The following XYLT1 variants were observed in gnomAD, a reference collection of about 807,000 sequenced individuals.
XYLT1 encodes beta-D-xylosyltransferase 1.
XYLT1 carries 36 observed loss-of-function variants against 91.3 expected under a neutral mutation model. That is an observed-to-expected ratio of 0.39 (90% CI 0.30 to 0.52). The LOEUF (loss-of-function observed/expected upper bound fraction) is 0.52, where lower values mean the gene tolerates loss of function less well. XYLT1 is among the 20% of genes least tolerant of loss of function. The pLI is 0.68. For missense variants in XYLT1, 1,242 were observed against 1,284.5 expected, an observed-to-expected ratio of 0.97 and a Z score of 0.51; for synonymous variants, 588 against 532.0, an observed-to-expected ratio of 1.11 and a Z score of -1.45.
At chr16:17,385,982 T>C (rs2035743745) in intron 1 of XYLT1, among the ~76,000 whole-genome samples, 1 of 152,200 alleles carries the variant, frequency 6.6e-6, no homozygotes, top group African/African-American at 2.4e-5. Flanking sequence ...ACTTAAAACA[T>C]GTAAAGTTAA....
At chr16:17,396,288 C>T (rs1304469888) in intron 1 of XYLT1, among the ~76,000 whole-genome samples, 1 of 152,148 alleles carries the variant, frequency 6.6e-6, no homozygotes, top group Non-Finnish European at 1.5e-5. Context: ...GAAATACCTG[C>T]TGGGTGAGCC....
chr16:17,144,511 A>G (rs142835995), intron 6 of XYLT1, among the ~76,000 whole-genome samples: 62 of 152,302 alleles, frequency 4.1e-4, no homozygotes, highest in Non-Finnish European at 7.9e-4. Flanking sequence ...GGATGGCGTC[A>G]TGGATGAGGC....
intron 1 of XYLT1, among the ~76,000 whole-genome samples, chr16:17,447,187 T>C (rs1442288174): frequency 6.6e-6 from 1 of 152,110 alleles, no homozygotes; most frequent in African/African-American, 2.4e-5. Flanking sequence ...GGCCTGCTAT[T>C]TATTTCCTCT....
chr16:17,285,308 C>T (rs1293767819), intron 2 of XYLT1, among the ~76,000 whole-genome samples: 1 of 152,210 alleles, frequency 6.6e-6, no homozygotes, highest in Non-Finnish European at 1.5e-5. Flanking sequence ...AATCAGAATT[C>T]AAATGAGTCT....
intron 1 of XYLT1, among the ~76,000 whole-genome samples, chr16:17,437,421 G>T (rs1458047311): frequency 6.6e-6 from 1 of 152,186 alleles, no homozygotes; most frequent in Non-Finnish European, 1.5e-5. Flanking sequence ...CAGAAGCCAA[G>T]AAGGCATTTG....
intron 2 of XYLT1, among the ~76,000 whole-genome samples, chr16:17,267,158 T>C (rs563893825): frequency 2.0e-5 from 3 of 152,338 alleles, no homozygotes; most frequent in Admixed American, 6.5e-5. Flanking sequence ...ATCCAGTCTC[T>C]GCTCCTTAAC....
Position 17,141,135 on chromosome 16 carries a change from A to C in XYLT1, c.1587+18T>G. On this transcript the variant is annotated intron_variant, in intron 7 of 11. Transcript: ENST00000261381. ...ACAAGCCCCTATCTTTCTTGGGAAA[A>C]TTTTCCCAGATACTCACCTCAGCAG... is the stretch of plus-strand genomic sequence containing the variant. 2 of 1,608,850 alleles carry C rather than the reference A, an allele frequency of 1.2e-6. No homozygotes were observed. The highest frequency in any genetic ancestry group is 1.7e-6 in the Non-Finnish European group (2 of 1,176,160).
At chr16:17,181,378 A>G (rs981133183) in intron 5 of XYLT1, among the ~76,000 whole-genome samples, 1 of 152,212 alleles carries the variant, frequency 6.6e-6, no homozygotes, top group African/African-American at 2.4e-5. Flanking sequence ...AGAAGGAGAG[A>G]ATAAGGAAAG....
chr16:17,194,719 G>A (rs1239985887), intron 5 of XYLT1, among the ~76,000 whole-genome samples: 1 of 152,226 alleles, frequency 6.6e-6, no homozygotes, highest in Non-Finnish European at 1.5e-5. Flanking sequence ...CTAAAAGCCA[G>A]AAGGAATACC....
intron 1 of XYLT1, among the ~76,000 whole-genome samples, chr16:17,382,412 A>C (rs1387734134): frequency 6.6e-6 from 1 of 151,912 alleles, no homozygotes; most frequent in African/African-American, 2.4e-5. Context: ...GCTGCCCACC[A>C]CTTGAAATGT....
At chr16:17,345,865 C>T (rs1264219993) in intron 2 of XYLT1, among the ~76,000 whole-genome samples, 1 of 152,194 alleles carries the variant, frequency 6.6e-6, no homozygotes, top group Admixed American at 6.5e-5. Context: ...TGGTGGAGTA[C>T]AGTGGCTTGA....
chr16:17,462,616 C>T (rs2036838180), intron 1 of XYLT1, among the ~76,000 whole-genome samples: 1 of 152,166 alleles, frequency 6.6e-6, no homozygotes, highest in Non-Finnish European at 1.5e-5. Context: ...CTCTCAGGTA[C>T]AAGTGGCGGG....
Position 17,108,998 on chromosome 16 carries a change from G to C in XYLT1, c.2577C>G (p.His859Gln). 4 of 1,530,218 alleles carry C rather than the reference G, an allele frequency of 2.6e-6. No individual in the cohort carries two copies. Among genetic ancestry groups the C allele is most frequent in the African/African-American group, 1.4e-5 (1 of 73,358 alleles). The allele number at this position is 1,530,218 out of a possible 1,614,324, so 94.8% of individuals were successfully genotyped here. A position where few individuals can be genotyped will look rare whatever the true frequency, so the allele number is the denominator to read the frequency against. The change falls in exon 12 of 12, where the codon CAC becomes CAG. Residue 859 changes from histidine to glutamine, a missense_variant. This residue lies in a region of XYLT1 where 511 missense variants were observed against 497.0 expected (regional missense o/e 1.03). Coordinates refer to ENST00000261381, the MANE Select transcript of XYLT1 (RefSeq NM_022166.4). ...TGTAGGCATTGCGGAGGGGCCCATT[G>C]TGCAGCTTCAGTGCCTCCTCTGAAA... is the stretch of plus-strand genomic sequence containing the variant. ...PIKPEEALKL[H>Q]NGPLRNAYME...
rs1239930855 is a variant in XYLT1 at position 17,105,444 on chromosome 16, G to A, written c.*3251C>T. 6.6e-6 allele frequency: 1 copy of A among 152,198 alleles called. No homozygotes were observed. Among genetic ancestry groups the A allele is most frequent in the Non-Finnish European group, 1.5e-5 (1 of 68,036 alleles). The allele number at this position is 152,198 out of a possible 1,614,324, so 9.4% of individuals were successfully genotyped here. Reference sequence around the variant, plus strand: ...AAGCCTTTTTTTTCCCCTGCAAAGGGAGAAAGCAGCGCGCTTCTCACAACA... The same window carrying A: ...AAGCCTTTTTTTTCCCCTGCAAAGGAAGAAAGCAGCGCGCTTCTCACAACA... On this transcript the variant is annotated 3_prime_UTR_variant, in exon 12 of 12. Coordinates refer to ENST00000261381, the MANE Select transcript of XYLT1 (RefSeq NM_022166.4).
At chr16:17,375,042 G>T (rs749694928) in intron 1 of XYLT1, among the ~76,000 whole-genome samples, 24 of 152,142 alleles carry the variant, frequency 1.6e-4, no homozygotes, top group Non-Finnish European at 3.1e-4. Flanking sequence ...GGCTCAACCT[G>T]CAACAACCAC....
rs991838933 is a variant in XYLT1 at position 17,108,638 on chromosome 16, C to A, written c.*57G>T. 1.3e-6 allele frequency: 2 copies of A among 1,488,718 alleles called. No homozygotes were observed. Among genetic ancestry groups the A allele is most frequent in the African/African-American group, 2.8e-5 (2 of 72,334 alleles). 92.2% of individuals were successfully genotyped at this position (1,488,718 alleles called of 1,614,324 possible). On this transcript the variant is annotated 3_prime_UTR_variant, in exon 12 of 12. Transcript: ENST00000261381. ...GGAGGCCGGGGTTCAGGCCCCACAA[C>A]CCCTCTGGCTGCTTTCCCGTTGAGA...
chr16:17,439,234 T>C (rs2036501901), intron 1 of XYLT1, among the ~76,000 whole-genome samples: 1 of 152,200 alleles, frequency 6.6e-6, no homozygotes. Flanking sequence ...GGCTAGTTGA[T>C]TGCAGAACTT....
chr16:17,280,549 T>C (rs1402582928), intron 2 of XYLT1, among the ~76,000 whole-genome samples: 5 of 152,216 alleles, frequency 3.3e-5, no homozygotes, highest in Admixed American at 2.0e-4. Context: ...TGCCCTTCCA[T>C]GTACCAATTT....
At chr16:17,256,985 C>A (rs976548630) in intron 3 of XYLT1, among the ~76,000 whole-genome samples, 1 of 152,238 alleles carries the variant, frequency 6.6e-6, no homozygotes, top group Non-Finnish European at 1.5e-5. Flanking sequence ...TAGCTCGACT[C>A]TGACATGCCC....
Sources: gnomAD v4.1 joint callset for allele counts (sites outside exome capture counted in the v4.1 genomes callset) on GRCh38, gnomAD v4.1.1 for gene constraint, gnomAD v4.1.1 regional missense constraint, MANE v1.5 for transcripts, NCBI Gene and HGNC (gene_info 2026-07-23, HGNC 2026-07-21) for gene names.